The following CRYBG1 variants were observed in gnomAD, a reference collection of about 807,000 sequenced individuals.
CRYBG1 encodes the protein beta/gamma crystallin domain-containing protein 1.
CRYBG1 carries 139 observed loss-of-function variants against 189.2 expected under a neutral mutation model. The ratio of observed to expected loss-of-function variants is 0.73; its 90% CI spans 0.64 to 0.85. The LOEUF (loss-of-function observed/expected upper bound fraction) is 0.85. CRYBG1 is among the 40% of genes least tolerant of loss of function. CRYBG1 has a pLI of 0.00. For synonymous variants in CRYBG1, 1,023 were observed against 1,017.1 expected, an observed-to-expected ratio of 1.01 and a Z score of -0.11; for missense variants, 2,611 against 2,675.8, an observed-to-expected ratio of 0.98 and a Z score of 0.53.
chr6:106,507,985 A>G (rs1188164241), intron 2 of CRYBG1, among the ~76,000 whole-genome samples: 2 of 152,208 alleles, frequency 1.3e-5, no homozygotes. Context: ...GGTGGCTCAC[A>G]TCTATCATCC....
At chr6:106,374,737 T>A (rs1465048452) in intron 1 of CRYBG1, among the ~76,000 whole-genome samples, 3 of 152,208 alleles carry the variant, frequency 2.0e-5, no homozygotes, top group Non-Finnish European at 4.4e-5. Flanking sequence ...ATATCTATAA[T>A]GTAAAGATAT....
At chr6:106,456,553 A>T (rs1771893323) in intron 2 of CRYBG1, among the ~76,000 whole-genome samples, 1 of 152,192 alleles carries the variant, frequency 6.6e-6, no homozygotes, top group Non-Finnish European at 1.5e-5. Context: ...TTTAGTCAAT[A>T]AGCAGAGCAA....
intron 1 of CRYBG1, among the ~76,000 whole-genome samples, chr6:106,363,006 G>A (rs960954772): frequency 3.9e-5 from 6 of 151,936 alleles, no homozygotes; most frequent in Non-Finnish European, 8.8e-5. Flanking sequence ...AGCACTTTGG[G>A]AGGCCGAGAC....
At chr6:106,491,871 T>C (rs1434937421) in intron 2 of CRYBG1, among the ~76,000 whole-genome samples, 1 of 152,174 alleles carries the variant, frequency 6.6e-6, no homozygotes, top group African/African-American at 2.4e-5. Flanking sequence ...CTCAAGGCTT[T>C]CCCCAAACGA....
At chr6:106,476,433 T>C (rs1451462935) in intron 2 of CRYBG1, among the ~76,000 whole-genome samples, 1 of 152,170 alleles carries the variant, frequency 6.6e-6, no homozygotes, top group Non-Finnish European at 1.5e-5. Flanking sequence ...TCTATAATTA[T>C]ATAAGTTAGA....
chr6:106,495,821 A>G (rs1398384593), intron 2 of CRYBG1, among the ~76,000 whole-genome samples: 1 of 115,268 alleles, frequency 8.7e-6, no homozygotes, highest in Non-Finnish European at 1.9e-5. Flanking sequence ...TCCTTGAGTA[A>G]AAAAAAAAAA....
chr6:106,511,388 C>T lies in CRYBG1; in HGVS notation c.313-42C>T, dbSNP rs750163872. 3,040 of 1,465,820 alleles carry T rather than the reference C, an allele frequency of 2.1e-3. 3 individuals carry two copies. Among genetic ancestry groups the T allele is most frequent in the Non-Finnish European group, 2.5e-3 (2,782 of 1,104,978 alleles). The allele number at this position is 1,465,820 out of a possible 1,614,324, so 90.8% of individuals were successfully genotyped here. On this transcript the variant is annotated intron_variant, in intron 2 of 21. Coordinates refer to ENST00000633556, the MANE Select transcript of CRYBG1 (RefSeq NM_001371242.2). ...AATGTACGTCTAAGGGGAAAAACAC[C>T]AGATTCTCATATGTTCCCTCCTCAT...
intron 2 of CRYBG1, among the ~76,000 whole-genome samples, chr6:106,509,988 T>C (rs986501497): frequency 2.0e-5 from 3 of 152,086 alleles, no homozygotes; most frequent in Non-Finnish European, 2.9e-5. Context: ...TCTTTCCTAT[T>C]TCCCATCGCC....
At chr6:106,545,128 T>C (rs1226711642) in intron 13 of CRYBG1, among the ~76,000 whole-genome samples, 195 bp downstream of exon 13, 1 of 152,212 alleles carries the variant, frequency 6.6e-6, no homozygotes, top group African/African-American at 2.4e-5. Context: ...TACCATCTCT[T>C]CTTTTTACGT....
intron 16 of CRYBG1, among the ~76,000 whole-genome samples, chr6:106,553,917 G>A (rs1774469513): frequency 6.6e-6 from 1 of 152,154 alleles, no homozygotes; most frequent in Non-Finnish European, 1.5e-5. Context: ...TAACAGGAAG[G>A]TAGAAAGTAC....
chr6:106,446,338 T>C (rs1771663652), intron 1 of CRYBG1, among the ~76,000 whole-genome samples: 1 of 152,286 alleles, frequency 6.6e-6, no homozygotes, highest in Middle Eastern at 3.4e-3. Flanking sequence ...AGAAGAGTGG[T>C]TCTAGTATCT....
chr6:106,520,779 C>T lies in CRYBG1; in HGVS notation c.3571C>T (p.Arg1191Cys), dbSNP rs574757027. 52 of 1,614,166 alleles carry T rather than the reference C, an allele frequency of 3.2e-5. No individual in the cohort carries two copies. The East Asian group carries it at 7.1e-4, about 22-fold the overall frequency. Residue 1191 changes from arginine (R) to cysteine (C), a missense_variant, in exon 4 of 22, where the codon CGT becomes TGT. Coordinates refer to ENST00000633556, the MANE Select transcript of CRYBG1 (RefSeq NM_001371242.2). ...LDTKSKLRPKRASAEQSVLFK... is the reference protein window; with the variant it reads ...LDTKSKLRPKCASAEQSVLFK... ...CACAAAATCCAAACTGAGACCCAAA[C>T]GTGCATCTGCTGAACAGAGCGTCCT...
chr6:106,539,136 TGGAAC>T (rs1774072126), intron 8 of CRYBG1, among the ~76,000 whole-genome samples: 2 of 152,200 alleles, frequency 1.3e-5, no homozygotes, highest in Non-Finnish European at 2.9e-5. Flanking sequence ...AATGATTAGA[TGGAAC>T]TTTGGAGCAA....
At chr6:106,476,172 AC>A (rs1349224712) in intron 2 of CRYBG1, among the ~76,000 whole-genome samples, 1 of 152,210 alleles carries the variant, frequency 6.6e-6, no homozygotes, top group Non-Finnish European at 1.5e-5. Context: ...AATTATCTTA[AC>A]CTTGTCCGTA....
intron 1 of CRYBG1, among the ~76,000 whole-genome samples, chr6:106,421,512 C>T (rs770980594): frequency 1.6e-4 from 24 of 151,990 alleles, no homozygotes; most frequent in Admixed American, 3.9e-4. Flanking sequence ...AATTTGGGTT[C>T]GGAGGGCTTT....
chr6:106,451,602 T>C (rs1353958152), intron 1 of CRYBG1, 92 bp from the exon 2 acceptor site: 16 of 1,224,706 alleles, frequency 1.3e-5, no homozygotes, highest in Non-Finnish European at 1.6e-5. Flanking sequence ...ACTGGAAATA[T>C]ATTAATACAT....
At chr6:106,474,658 G>A (rs1772299796) in intron 2 of CRYBG1, among the ~76,000 whole-genome samples, 1 of 152,108 alleles carries the variant, frequency 6.6e-6, no homozygotes, top group Non-Finnish European at 1.5e-5. Flanking sequence ...TGTCTCTTAG[G>A]CAAGAGAGGT....
intron 1 of CRYBG1, among the ~76,000 whole-genome samples, chr6:106,386,057 C>T (rs564085574): frequency 4.6e-5 from 7 of 152,240 alleles, no homozygotes; most frequent in East Asian, 1.9e-4. Flanking sequence ...CTCCACGTGG[C>T]GAAGCAGTTT....
Position 106,521,099 on chromosome 6 carries a change from C to T in CRYBG1, c.3891C>T (p.Asn1297=), listed in dbSNP as rs780076876. Residue 1297 remains asparagine, a synonymous_variant, in exon 4 of 22, where the codon AAC becomes AAT. Coordinates refer to ENST00000633556, the MANE Select transcript of CRYBG1 (RefSeq NM_001371242.2). ...TTEGAPPCGL[N]KEQSNLLPDN... The stretch of plus-strand genomic sequence containing the variant: ...AGGGTGCCCCGCCCTGTGGTTTGAA[C>T]AAAGAACAGTCAAATCTTCTGCCCG... 6.2e-6 allele frequency: 10 copies of T among 1,614,030 alleles called. No homozygotes were observed. The Admixed American group carries it at 1.5e-4, about 24-fold the overall frequency.
Sources: gnomAD v4.1 joint callset for allele counts (sites outside exome capture counted in the v4.1 genomes callset) on GRCh38, gnomAD v4.1.1 for gene constraint, MANE v1.5 for transcripts, NCBI Gene and HGNC (gene_info 2026-07-23, HGNC 2026-07-21) for gene names.